Variants in ZYG11B observed in about 807,000 individuals in gnomAD.
ZYG11B encodes the protein protein zyg-11 homolog B.
In ZYG11B, 36 loss-of-function variants were observed where a neutral mutation model predicts 82.4. The ratio of observed to expected loss-of-function variants is 0.44; its 90% CI spans 0.33 to 0.58. ZYG11B has a LOEUF of 0.58. Among genes scored for constraint, ZYG11B ranks in the 20% least tolerant of loss-of-function variants. The pLI is 0.02. For synonymous variants in ZYG11B, 303 were observed against 312.8 expected, an observed-to-expected ratio of 0.97 and a Z score of 0.33; for missense variants, 552 against 895.6, an observed-to-expected ratio of 0.62 and a Z score of 4.90.
intron 1 of ZYG11B, among the ~76,000 whole-genome samples, chr1:52,729,894 A>G (rs1644315690): frequency 6.6e-6 from 1 of 151,998 alleles, no homozygotes; most frequent in Non-Finnish European, 1.5e-5. Flanking sequence ...TGCAGCCTTG[A>G]CTTCCCAGGC....
At chr1:52,743,799 T>A (rs1644454056) in intron 1 of ZYG11B, among the ~76,000 whole-genome samples, 1 of 152,178 alleles carries the variant, frequency 6.6e-6, no homozygotes, top group African/African-American at 2.4e-5. Context: ...GTCCTAGGCC[T>A]TCACATTCAC....
At position 52,825,965 on chromosome 1, in the gene ZYG11B, G is replaced by A. The variant is rs1293726740; in HGVS notation, c.*4336G>A. 1.3e-5 allele frequency: 2 copies of A among 152,086 alleles called. No homozygotes were observed. Among genetic ancestry groups the A allele is most frequent in the South Asian group, 4.1e-4 (2 of 4,824 alleles). The allele number at this position is 152,086 out of a possible 1,614,324, so 9.4% of individuals were successfully genotyped here. ...TAAACTATAGAACAATACCCCTATA[G>A]AACAATGTACAGCTGCACCCAAGGT... is the stretch of plus-strand genomic sequence containing the variant. On this transcript the variant is annotated 3_prime_UTR_variant, in exon 14 of 14. Coordinates refer to ENST00000294353, the MANE Select transcript of ZYG11B (RefSeq NM_024646.3).
chr1:52,784,861 A>C lies in ZYG11B; in HGVS notation c.1093-16A>C. The C allele has an allele frequency of 6.2e-7, 1 of 1,611,160 alleles. No homozygotes were observed. Among genetic ancestry groups the C allele is most frequent in the Non-Finnish European group, 8.5e-7 (1 of 1,179,008 alleles). On this transcript the variant is annotated splice_polypyrimidine_tract_variant and intron_variant, in intron 4 of 13. Coordinates refer to ENST00000294353, the MANE Select transcript of ZYG11B (RefSeq NM_024646.3). ...ATTTATAAGGTGAATTAAGAGGACTAATTTTTTTTTTCCAGCTTGTGGTTA... is the reference window on the plus strand; with the variant it reads ...ATTTATAAGGTGAATTAAGAGGACTCATTTTTTTTTTCCAGCTTGTGGTTA...
intron 1 of ZYG11B, among the ~76,000 whole-genome samples, chr1:52,734,787 G>A (rs988304347): frequency 1.2e-4 from 19 of 152,114 alleles, no homozygotes; most frequent in African/African-American, 4.3e-4. Flanking sequence ...GGAGTGCAAT[G>A]GTGCAATCTG....
chr1:52,753,903 G>A (rs1308366857), intron 1 of ZYG11B, among the ~76,000 whole-genome samples: 1 of 151,992 alleles, frequency 6.6e-6, no homozygotes. Context: ...GTCACTTTTT[G>A]TATTTTTACT....
Position 52,760,212 on chromosome 1 carries a change from G to C in ZYG11B, c.196+3589G>C, listed in dbSNP as rs372339890. ...AATCCAAGTACTTTGGGAGGCCAAGGCAGGCGATCCGCCTGAGGTCAGGAG... is the reference window on the plus strand; with the variant it reads ...AATCCAAGTACTTTGGGAGGCCAAGCCAGGCGATCCGCCTGAGGTCAGGAG... On this transcript the variant is annotated intron_variant, in intron 2 of 13. Transcript: ENST00000294353. Among the ~76,000 whole-genome samples the C allele has an allele frequency of 2.3e-3, 343 of 152,326 alleles. 1 individual carries two copies. Among genetic ancestry groups the C allele is most frequent in the African/African-American group, 7.8e-3 (326 of 41,582 alleles).
intron 1 of ZYG11B, among the ~76,000 whole-genome samples, chr1:52,730,886 A>C (rs993423586): frequency 1.3e-5 from 2 of 151,244 alleles, no homozygotes; most frequent in Non-Finnish European, 2.9e-5. Context: ...GAAGTTGTGG[A>C]ATAATGGAAT....
chr1:52,751,459 G>A (rs187121402), intron 1 of ZYG11B, among the ~76,000 whole-genome samples: 121 of 152,010 alleles, frequency 8.0e-4, no homozygotes, highest in African/African-American at 2.8e-3. Context: ...GTGAAACCCC[G>A]TCTCTACCAA....
chr1:52,769,350 T>A (rs1050356718), intron 2 of ZYG11B, among the ~76,000 whole-genome samples: 2 of 151,910 alleles, frequency 1.3e-5, no homozygotes, highest in Admixed American at 1.3e-4. Flanking sequence ...GTGCAACGAG[T>A]TTTAATAATT....
At chr1:52,818,507 A>C (rs2149968231) in intron 13 of ZYG11B, among the ~76,000 whole-genome samples, 1 of 152,138 alleles carries the variant, frequency 6.6e-6, no homozygotes, top group Admixed American at 6.6e-5. Context: ...GATAGAGGGA[A>C]AATAGTCAAA....
Position 52,726,512 on chromosome 1 carries a change from G to T in ZYG11B, c.-142G>T. 1.4e-6 allele frequency: 1 copy of T among 727,912 alleles called. No individual in the cohort carries two copies. The highest frequency in any genetic ancestry group is 1.9e-6 in the Non-Finnish European group (1 of 525,560). 45.1% of individuals were successfully genotyped at this position (727,912 alleles called of 1,614,324 possible). On this transcript the variant is annotated 5_prime_UTR_variant, in exon 1 of 14. Coordinates refer to ENST00000294353, the MANE Select transcript of ZYG11B (RefSeq NM_024646.3). ...CTGCGGCTGCGGCTGCTACTGCTACGCTCCTAGCTTGAGGGAAAGAGGCCG... is the reference window on the plus strand; with the variant it reads ...CTGCGGCTGCGGCTGCTACTGCTACTCTCCTAGCTTGAGGGAAAGAGGCCG...
At chr1:52,791,198 C>G (rs908199356) in intron 6 of ZYG11B, among the ~76,000 whole-genome samples, 37 of 152,002 alleles carry the variant, frequency 2.4e-4, no homozygotes, top group African/African-American at 8.9e-4. Context: ...GTCTCAAACT[C>G]CTGACCTCAA....
intron 1 of ZYG11B, among the ~76,000 whole-genome samples, chr1:52,742,577 T>G (rs2149922127): frequency 6.6e-6 from 1 of 152,294 alleles, no homozygotes; most frequent in Middle Eastern, 3.4e-3. Context: ...GCGCGGTGGC[T>G]CACGCCTGTA....
chr1:52,781,135 AAACAAC>A (rs747903078), intron 4 of ZYG11B, among the ~76,000 whole-genome samples: 1 of 151,996 alleles, frequency 6.6e-6, no homozygotes, highest in Non-Finnish European at 1.5e-5. Context: ...GACTCTCTCA[AAACAAC>A]AACAACAACA....
At chr1:52,812,308 A>G (rs541992934) in intron 10 of ZYG11B, among the ~76,000 whole-genome samples, 1 of 152,016 alleles carries the variant, frequency 6.6e-6, no homozygotes, top group Non-Finnish European at 1.5e-5. Context: ...ATTTTTCTCT[A>G]AAGAGTCTTA....
intron 6 of ZYG11B, among the ~76,000 whole-genome samples, chr1:52,791,085 C>T (rs1644955312): frequency 6.6e-6 from 1 of 151,918 alleles, no homozygotes; most frequent in Non-Finnish European, 1.5e-5. Flanking sequence ...GATTCTCCTA[C>T]CTGAGCTAAC....
Position 52,726,669 on chromosome 1 carries a change from G to A in ZYG11B, c.16G>A (p.Ala6Thr). Reference sequence around the variant, plus strand: ...CGGAGGCTGCATGCCCGAGGACCAGGCCGGCGCAGCCATGGTGAGGGAGCA... The same window carrying A: ...CGGAGGCTGCATGCCCGAGGACCAGACCGGCGCAGCCATGGTGAGGGAGCA... MPEDQ[A>T]GAAMEEASPY... Residue 6 changes from alanine (A) to threonine (T), a missense_variant, in exon 1 of 14, where the codon GCC becomes ACC. Physicochemically the swap from Ala to Thr is moderately conservative, Grantham distance 58. Around this residue, in one of 3 missense-constraint regions of ZYG11B, gnomAD observed 359 missense variants for 555.8 expected, o/e 0.65. Transcript: ENST00000294353. The A allele has an allele frequency of 6.8e-7, 1 of 1,479,418 alleles. No homozygotes were observed. Among genetic ancestry groups the A allele is most frequent in the East Asian group, 2.9e-5 (1 of 34,022 alleles). 91.6% of individuals were successfully genotyped at this position (1,479,418 alleles called of 1,614,324 possible).
intron 10 of ZYG11B, among the ~76,000 whole-genome samples, chr1:52,803,165 T>TAG (rs1645101201): frequency 1.4e-5 from 1 of 71,092 alleles, no homozygotes; most frequent in Non-Finnish European, 2.1e-5. Context: ...CACATATATA[T>TAG]ATACACACAT....
Position 52,726,468 on chromosome 1 carries a change from G to A in ZYG11B, c.-186G>A, listed in dbSNP as rs923238822. 270 of 520,638 alleles carry A rather than the reference G, an allele frequency of 5.2e-4. 4 individuals carry two copies. The East Asian group carries it at 0.01, about 20-fold the overall frequency. The allele number at this position is 520,638 out of a possible 1,614,324, so 32.3% of individuals were successfully genotyped here. ...TCGCGGGGGCGGAGTCTGCGCTCTG[G>A]TTCGGGCTGCGGCTGCGGCTGCGGC... On this transcript the variant is annotated 5_prime_UTR_variant, in exon 1 of 14. Transcript: ENST00000294353.
Sources: allele counts gnomAD v4.1 joint callset (sites outside exome capture counted in the v4.1 genomes callset), GRCh38; gene constraint gnomAD v4.1.1; regional missense constraint gnomAD v4.1.1; transcripts MANE v1.5; gene names NCBI Gene and HGNC (gene_info 2026-07-23, HGNC 2026-07-21).